SUSD2: variants seen among roughly 807,000 people sequenced by gnomAD.
The protein encoded by SUSD2 is sushi domain-containing protein 2.
A neutral mutation model predicts 93.8 loss-of-function variants in SUSD2; 86 were observed. The ratio of observed to expected loss-of-function variants is 0.92; its 90% CI spans 0.77 to 1.10. The LOEUF (loss-of-function observed/expected upper bound fraction) is 1.10, where lower values mean the gene tolerates loss of function less well. Ranked by LOEUF, SUSD2 falls within the 50% of genes least tolerant of loss-of-function variation. The probability of loss-of-function intolerance (pLI) is 0.00; values close to 1 mark genes in which losing one functional copy is unlikely to be tolerated. For missense variants in SUSD2, 1,060 were observed against 1,137.0 expected, an observed-to-expected ratio of 0.93 and a Z score of 0.97; for synonymous variants, 483 against 485.0, an observed-to-expected ratio of 1.00 and a Z score of 0.05.
rs199774854 is a variant in SUSD2 at position 24,185,801 on chromosome 22, C to G, written c.1211C>G (p.Pro404Arg). 1.1e-4 allele frequency: 170 copies of G among 1,610,526 alleles called. No homozygotes were observed. The East Asian group carries it at 3.5e-3, about 33-fold the overall frequency. The change falls in exon 8 of 15, where the codon CCC (proline) becomes CGC (arginine). Residue 404 changes from proline (P) to arginine (R), a missense_variant. Pro to Arg is a moderately radical substitution (Grantham distance 103, BLOSUM62 -2). This residue lies in a region of SUSD2 where 973 missense variants were observed against 1,005.3 expected (regional missense o/e 0.97). Coordinates refer to ENST00000358321, the MANE Select transcript of SUSD2 (RefSeq NM_019601.4). ...APPFRTPPRV[P>R]SMSHWLYDVL... Reference sequence around the variant, plus strand: ...CCGTTCCGCACGCCACCCCGAGTGCCCAGCATGTCCCACTGGCTCTACGAT... The same window carrying G: ...CCGTTCCGCACGCCACCCCGAGTGCGCAGCATGTCCCACTGGCTCTACGAT...
chr22:24,185,594 G>A (rs1480236501), intron 7 of SUSD2, 23 bp downstream of exon 7: 1 of 1,600,384 alleles, frequency 6.2e-7, no homozygotes, highest in Non-Finnish European at 8.5e-7. Context: ...GCTGGGGCCG[G>A]TATGGGGATT....
chr22:24,188,391 C>T lies in SUSD2; in HGVS notation c.2445-21C>T, dbSNP rs114212382. On this transcript the variant is annotated intron_variant, in intron 14 of 14. Transcript: ENST00000358321. This position sits in a 1 kb window ranked among gnomAD's most constrained non-coding sequence, Gnocchi z 4.7. ...GCCGGTGGGACCACCGAGGCTACTTCTAACTGCGTTTCTGTTGCAGGCACG... is the reference window on the plus strand; with the variant it reads ...GCCGGTGGGACCACCGAGGCTACTTTTAACTGCGTTTCTGTTGCAGGCACG... 2,145 of 1,611,686 alleles carry T rather than the reference C, an allele frequency of 1.3e-3. 27 individuals are homozygous for T. In the African/African-American group the frequency reaches 0.025, roughly 19 times the overall value.
chr22:24,181,570 C>G lies in SUSD2; in HGVS notation c.51C>G (p.Leu17=), dbSNP rs201642977. The change falls in exon 1 of 15, where the codon CTC becomes CTG. Residue 17 remains leucine, a synonymous_variant. Coordinates refer to ENST00000358321, the MANE Select transcript of SUSD2 (RefSeq NM_019601.4). ...CCCTGCTGCTGCTGGCGACAGCCCT[C>G]GGCCCGGGCCCCGGACCCACAGCAG... The part of the protein sequence containing the change: ...PWALLLLATA[L]GPGPGPTADA... 5 of 1,600,020 alleles carry G rather than the reference C, an allele frequency of 3.1e-6. No homozygotes were observed. Among genetic ancestry groups the G allele is most frequent in the Non-Finnish European group, 4.3e-6 (5 of 1,175,544 alleles).
chr22:24,181,680 C>G, intron 1 of SUSD2, 85 bp downstream of exon 1: 1 of 1,100,190 alleles, frequency 9.1e-7, no homozygotes, highest in Non-Finnish European at 1.3e-6. Context: ...CTGGGCTCAG[C>G]CTCTGTCCAT....
rs1601343949 is a variant in SUSD2 at position 24,188,737 on chromosome 22, T to C, written c.*301T>C. Reference sequence around the variant, plus strand: ...TCCTGAGCCCTGACACTCCCACACCTGAGCCTCAGATTCCAATAGCTCACT... The same window carrying C: ...TCCTGAGCCCTGACACTCCCACACCCGAGCCTCAGATTCCAATAGCTCACT... On this transcript the variant is annotated 3_prime_UTR_variant, in exon 15 of 15. Coordinates refer to ENST00000358321, the MANE Select transcript of SUSD2 (RefSeq NM_019601.4). This position sits in a 1 kb window ranked among gnomAD's most constrained non-coding sequence, Gnocchi z 4.7. 1 of 347,910 alleles carries C rather than the reference T, an allele frequency of 2.9e-6. No homozygotes were observed. The highest frequency in any genetic ancestry group is 5.3e-6 in the Non-Finnish European group (1 of 187,666). The allele number at this position is 347,910 out of a possible 1,614,324, so 21.6% of individuals were successfully genotyped here. A position where few individuals can be genotyped will look rare whatever the true frequency, so the allele number is the denominator to read the frequency against.
In SUSD2 at chr22:24,185,280, C is replaced by T. The variant is rs919087990; in HGVS notation, c.969C>T (p.Asp323=). Residue 323 remains aspartate, a synonymous_variant, in exon 6 of 15, where the codon GAC becomes GAT. Transcript: ENST00000358321. The part of the protein sequence containing the change: ...CPCTLTQARA[D]SGRFFTDYGC... ...GCACCCTGACCCAGGCCCGGGCTGACTCCGGCCGCTTCTTCGTGAGCCTCC... is the reference window on the plus strand; with the variant it reads ...GCACCCTGACCCAGGCCCGGGCTGATTCCGGCCGCTTCTTCGTGAGCCTCC... 1.9e-6 allele frequency: 3 copies of T among 1,604,172 alleles called. No individual in the cohort carries two copies. The highest frequency in any genetic ancestry group is 2.5e-6 in the Non-Finnish European group (3 of 1,179,740).
chr22:24,183,402 C>G (rs1398188315), intron 2 of SUSD2, 93 bp from the exon 3 acceptor site: 2 of 1,545,240 alleles, frequency 1.3e-6, no homozygotes, highest in Non-Finnish European at 1.8e-6. Flanking sequence ...GGACAGCTGG[C>G]TGGTTGGGTT....
chr22:24,187,988 C>T lies in SUSD2; in HGVS notation c.2194C>T (p.Pro732Ser), dbSNP rs1224774778. The T allele has an allele frequency of 5.6e-6, 9 of 1,612,926 alleles. No individual in the cohort carries two copies. The South Asian group carries it at 8.8e-5, about 16-fold the overall frequency. ...GTCCTGTGGCTGGCTGGCCCCACCT[C>T]CCAACGGACAAAAGGAGGGCAACAG... ...VVSCGWLAPP[P>S]NGQKEGNRYL... The change falls in exon 13 of 15, where the codon CCC (proline) becomes TCC (serine). Residue 732 changes from proline to serine, a missense_variant. Transcript: ENST00000358321.
chr22:24,188,565 T>C lies in SUSD2; in HGVS notation c.*129T>C. ...CTTGATACCTGGGCATTTAACCCCCTACTCTGTCATCTCAGACCCCAGGCA... is the reference window on the plus strand; with the variant it reads ...CTTGATACCTGGGCATTTAACCCCCCACTCTGTCATCTCAGACCCCAGGCA... On this transcript the variant is annotated 3_prime_UTR_variant, in exon 15 of 15. Coordinates refer to ENST00000358321, the MANE Select transcript of SUSD2 (RefSeq NM_019601.4). This position sits in a 1 kb window ranked among gnomAD's most constrained non-coding sequence, Gnocchi z 4.7. 1.2e-6 allele frequency: 1 copy of C among 866,420 alleles called. No homozygotes were observed. The highest frequency in any genetic ancestry group is 1.6e-5 in the South Asian group (1 of 64,092). 53.7% of individuals were successfully genotyped at this position (866,420 alleles called of 1,614,324 possible). A position where few individuals can be genotyped will look rare whatever the true frequency, so the allele number is the denominator to read the frequency against.
chr22:24,187,888 C>G lies in SUSD2; in HGVS notation c.2164+45C>G, dbSNP rs200670408. On this transcript the variant is annotated intron_variant, in intron 12 of 14. Coordinates refer to ENST00000358321, the MANE Select transcript of SUSD2 (RefSeq NM_019601.4). ...GGTGGGCGGGGAGCTGGGACAGGAC[C>G]CCCCGGGGTGGCCAGATGTGTGTAT... 2.5e-6 allele frequency: 4 copies of G among 1,602,930 alleles called. No homozygotes were observed. In the South Asian group the frequency reaches 3.3e-5, roughly 13 times the overall value.
chr22:24,186,591 C>T (rs533149262), intron 10 of SUSD2, 176 bp downstream of exon 10: 3 of 726,666 alleles, frequency 4.1e-6, no homozygotes, highest in African/African-American at 3.6e-5. Flanking sequence ...CCCACCTGGT[C>T]AAAAGCCGAG....
chr22:24,184,873 C>T lies in SUSD2; in HGVS notation c.715C>T (p.Pro239Ser), dbSNP rs2047350241. The change falls in exon 5 of 15, where the codon CCC (proline) becomes TCC (serine). Residue 239 changes from proline (P) to serine (S), a missense_variant. Transcript: ENST00000358321. The part of the protein sequence containing the change: ...SFTFTPKPAP[P>S]SYQRWRVGAL... ...CACTTTCACCCCAAAACCTGCTCCT[C>T]CCAGCTACCAGAGATGGCGAGTGGG... is the stretch of plus-strand genomic sequence containing the variant. 1 of 1,613,974 alleles carries T rather than the reference C, an allele frequency of 6.2e-7. No homozygotes were observed. The highest frequency in any genetic ancestry group is 1.7e-5 in the Admixed American group (1 of 59,998).
Position 24,187,736 on chromosome 22 carries a change from A to G in SUSD2, c.2057A>G (p.Asp686Gly). 6.2e-7 allele frequency: 1 copy of G among 1,614,022 alleles called. No individual in the cohort carries two copies. The part of the protein sequence containing the change: ...AQEAAKLCGD[D>G]HFCNFDVAAT... Reference sequence around the variant, plus strand: ...GAGGCAGCCAAACTATGTGGGGACGATCATTTCTGCAACTTTGATGTGGCA... The same window carrying G: ...GAGGCAGCCAAACTATGTGGGGACGGTCATTTCTGCAACTTTGATGTGGCA... The change falls in exon 12 of 15, where the codon GAT (aspartate) becomes GGT (glycine). Residue 686 changes from aspartate to glycine, a missense_variant. This residue lies in a region of SUSD2 where 973 missense variants were observed against 1,005.3 expected (regional missense o/e 0.97). Coordinates refer to ENST00000358321, the MANE Select transcript of SUSD2 (RefSeq NM_019601.4).
chr22:24,185,178 A>C lies in SUSD2; in HGVS notation c.867A>C (p.Ala289=), dbSNP rs150808522. ...TCCGAGAGGACCCTGTGGCCTGGGC[A>C]CGAACTCAGTGCCAGGCCTGGGAGG... is the stretch of plus-strand genomic sequence containing the variant. The part of the protein sequence containing the change: ...DDFREDPVAW[A]RTQCQAWEEL... The change falls in exon 6 of 15, where the codon GCA becomes GCC. Residue 289 remains alanine, a synonymous_variant. Coordinates refer to ENST00000358321, the MANE Select transcript of SUSD2 (RefSeq NM_019601.4). The C allele has an allele frequency of 6.2e-7, 1 of 1,612,200 alleles. No homozygotes were observed. Among genetic ancestry groups the C allele is most frequent in the South Asian group, 1.1e-5 (1 of 91,064 alleles).
In SUSD2 at chr22:24,186,676, CG is replaced by C. The variant is rs1323466378; in HGVS notation, c.1642+262del. ...TCTGGAGGGGAACTCACCCTGGTAA[CG>C]TTCACCGCTGGCCTGCACAGAGCCA... On this transcript the variant is annotated intron_variant, in intron 10 of 14. Transcript: ENST00000358321. 4 of 538,556 alleles carry C rather than the reference CG, an allele frequency of 7.4e-6. No individual in the cohort carries two copies. The Admixed American group carries it at 9.7e-5, about 13-fold the overall frequency. 33.4% of individuals were successfully genotyped at this position (538,556 alleles called of 1,614,324 possible).
intron 1 of SUSD2, among the ~76,000 whole-genome samples, chr22:24,181,885 G>A (rs1433051065): frequency 6.6e-6 from 1 of 152,194 alleles, no homozygotes; most frequent in Admixed American, 6.5e-5. Flanking sequence ...ATCACGGAGG[G>A]GGAGCCAGGA....
chr22:24,188,205 G>A lies in SUSD2; in HGVS notation c.2342-20G>A, dbSNP rs1194641221. The A allele has an allele frequency of 4.4e-6, 7 of 1,589,904 alleles. No homozygotes were observed. The African/African-American group carries it at 9.4e-5, about 21-fold the overall frequency. On this transcript the variant is annotated intron_variant, in intron 13 of 14. Transcript: ENST00000358321. The surrounding 1 kb of genome is among the most constrained non-coding windows in gnomAD (Gnocchi z 4.7). ...CACCACCCCAGAGAGCCCCCTCACT[G>A]ACACTCGCTCCCTCACCAGGACGCA...
In SUSD2 at chr22:24,185,288, G is replaced by T. The variant is rs546807667; in HGVS notation, c.977G>T (p.Arg326Leu). 9.4e-6 allele frequency: 15 copies of T among 1,603,142 alleles called. No homozygotes were observed. Among genetic ancestry groups the T allele is most frequent in the Middle Eastern group, 2.2e-4 (1 of 4,578 alleles). Residue 326 changes from arginine to leucine, a missense_variant, in exon 6 of 15, where the codon CGC becomes CTC. Coordinates refer to ENST00000358321, the MANE Select transcript of SUSD2 (RefSeq NM_019601.4). ...TLTQARADSG[R>L]FFTDYGCDME... ...ACCCAGGCCCGGGCTGACTCCGGCCGCTTCTTCGTGAGCCTCCCATCAGGG... is the reference window on the plus strand; with the variant it reads ...ACCCAGGCCCGGGCTGACTCCGGCCTCTTCTTCGTGAGCCTCCCATCAGGG...
At position 24,188,304 on chromosome 22, in the gene SUSD2, G is replaced by A. The variant is rs1239946221; in HGVS notation, c.2421G>A (p.Leu807=). 1 of 1,606,242 alleles carries A rather than the reference G, an allele frequency of 6.2e-7. No individual in the cohort carries two copies. Among genetic ancestry groups the A allele is most frequent in the Non-Finnish European group, 8.5e-7 (1 of 1,176,872 alleles). ...CGGCGGTTGCGCTCGTCTATGTGCT[G>A]CTGCGCCGCAGGAAGGGCAACACGT... ...VVAAVALVYV[L]LRRRKGNTHV... The change falls in exon 14 of 15, where the codon CTG becomes CTA. Residue 807 remains leucine, a synonymous_variant. Coordinates refer to ENST00000358321, the MANE Select transcript of SUSD2 (RefSeq NM_019601.4). The surrounding 1 kb of genome is among the most constrained non-coding windows in gnomAD (Gnocchi z 4.7).
Sources: allele counts gnomAD v4.1 joint callset (sites outside exome capture counted in the v4.1 genomes callset), GRCh38; gene constraint gnomAD v4.1.1; regional missense constraint gnomAD v4.1.1; non-coding constraint Gnocchi (gnomAD v3.1); transcripts MANE v1.5; gene names NCBI Gene and HGNC (gene_info 2026-07-23, HGNC 2026-07-21).